ACOX3: variants seen among roughly 807,000 people sequenced by gnomAD.
The protein encoded by ACOX3 is acyl-CoA oxidase 3, pristanoyl.
Under a neutral mutation model 81.5 loss-of-function variants are expected in ACOX3, and 73 were observed. The ratio of observed to expected loss-of-function variants is 0.90; its 90% CI spans 0.74 to 1.09. ACOX3 has a LOEUF of 1.09. ACOX3 is among the 50% of genes least tolerant of loss of function. The probability of loss-of-function intolerance (pLI) is 0.00; values close to 1 mark genes in which losing one functional copy is unlikely to be tolerated. For synonymous variants in ACOX3, 387 were observed against 375.1 expected (o/e 1.03, Z -0.37); for missense variants, 947 against 928.0 (o/e 1.02, Z -0.27).
chr4:8,383,085 C>A (rs554040539), intron 13 of ACOX3, among the ~76,000 whole-genome samples: 2 of 152,204 alleles, frequency 1.3e-5, no homozygotes, highest in Non-Finnish European at 2.9e-5. Flanking sequence ...TTCACCCTCA[C>A]GGCATAACTG....
At chr4:8,372,021 A>T (rs1716279272) in intron 16 of ACOX3, among the ~76,000 whole-genome samples, 1 of 152,150 alleles carries the variant, frequency 6.6e-6, no homozygotes, top group Non-Finnish European at 1.5e-5. Flanking sequence ...TCCCCAAGAC[A>T]GTGGTATGGA....
chr4:8,394,749 C>T lies in ACOX3; in HGVS notation c.1057-7G>A, dbSNP rs1578912757. 1 of 1,612,196 alleles carries T rather than the reference C, an allele frequency of 6.2e-7. No homozygotes were observed. On this transcript the variant is annotated splice_region_variant and splice_polypyrimidine_tract_variant and intron_variant, in intron 9 of 17. Transcript: ENST00000356406. The surrounding 1 kb of genome is among the most constrained non-coding windows in gnomAD (Gnocchi z 5.9). ...ATGGAAGCAAGCGCCATTGCTAGAA[C>T]AGACAAGACACCTGCGTGAACACAT...
intron 14 of ACOX3, among the ~76,000 whole-genome samples, chr4:8,380,573 CTAGAGGAG>C (rs1242865674): frequency 6.6e-6 from 1 of 152,168 alleles, no homozygotes; most frequent in Non-Finnish European, 1.5e-5. Context: ...TAGCAGGTTC[CTAGAGGAG>C]CTGGCCTGAG....
chr4:8,399,551 T>A lies in ACOX3; in HGVS notation c.873+5A>T. ...CGGCACACGAACGGCCCCCCATGCC[T>A]GTACCTTAAAGGGGCTGACATAGGT... is the stretch of plus-strand genomic sequence containing the variant. On this transcript the variant is annotated splice_donor_5th_base_variant and intron_variant, in intron 8 of 17. Coordinates refer to ENST00000356406, the MANE Select transcript of ACOX3 (RefSeq NM_003501.3). This position sits in a 1 kb window ranked among gnomAD's most constrained non-coding sequence, Gnocchi z 4.9. 2 of 1,611,290 alleles carry A rather than the reference T, an allele frequency of 1.2e-6. No homozygotes were observed. Among genetic ancestry groups the A allele is most frequent in the East Asian group, 4.5e-5 (2 of 44,856 alleles).
rs1717830618 is a variant in ACOX3, at chr4:8,382,753, G to A, written c.1538-1146C>T. Among the ~76,000 whole-genome samples, 1 of 152,140 alleles carries A rather than the reference G, an allele frequency of 6.6e-6. No homozygotes were observed. The highest frequency in any genetic ancestry group is 2.4e-5 in the African/African-American group (1 of 41,440). ...CACACCTGTAATCCCAGCACTTTGG[G>A]AGGCAGAGGCGGGCGGATCACGAGG... is the stretch of plus-strand genomic sequence containing the variant. On this transcript the variant is annotated intron_variant, in intron 13 of 17. Transcript: ENST00000356406. The surrounding 1 kb of genome is among the most constrained non-coding windows in gnomAD (Gnocchi z 4.1).
intron 1 of ACOX3, among the ~76,000 whole-genome samples, chr4:8,418,574 A>G (rs1270586229): frequency 6.6e-6 from 1 of 152,224 alleles, no homozygotes; most frequent in Admixed American, 6.5e-5. Flanking sequence ...AAATGGCCAA[A>G]AAATACAGGA....
chr4:8,370,017 G>T lies in ACOX3; in HGVS notation c.1983+891C>A, dbSNP rs1715962171. On this transcript the variant is annotated intron_variant, in intron 17 of 17. Coordinates refer to ENST00000356406, the MANE Select transcript of ACOX3 (RefSeq NM_003501.3). The surrounding 1 kb of genome is among the most constrained non-coding windows in gnomAD (Gnocchi z 6.3). ...TCGCTCCTCGAGGGCATCATCAGGT[G>T]GGAGGGAGACACAAGGTCAGTGATG... 6.6e-6 allele frequency among the ~76,000 whole-genome samples: 1 copy of T among 152,238 alleles called. No homozygotes were observed. Among genetic ancestry groups the T allele is most frequent in the Admixed American group, 6.5e-5 (1 of 15,290 alleles).
rs944171713 is a variant in ACOX3 at position 8,416,662 on chromosome 4, A to G, written c.-14-127T>C. ...TAAACTTGAAATCCAAAAGGATGGC[A>G]AAAGAGAATCACTCTGTGAATGGCT... On this transcript the variant is annotated intron_variant, in intron 1 of 17. Transcript: ENST00000356406. The surrounding 1 kb of genome is among the most constrained non-coding windows in gnomAD (Gnocchi z 4.2). The G allele has an allele frequency of 7.4e-6, 8 of 1,078,032 alleles. No individual in the cohort carries two copies. The highest frequency in any genetic ancestry group is 4.8e-5 in the African/African-American group (3 of 62,190). 66.8% of individuals were successfully genotyped at this position (1,078,032 alleles called of 1,614,324 possible). A position where few individuals can be genotyped will look rare whatever the true frequency, so the allele number is the denominator to read the frequency against.
Position 8,414,331 on chromosome 4 carries a change from C to G in ACOX3, c.504G>C (p.Lys168Asn). The G allele has an allele frequency of 6.2e-7, 1 of 1,614,158 alleles. No homozygotes were observed. The highest frequency in any genetic ancestry group is 8.5e-7 in the Non-Finnish European group (1 of 1,180,042). ...CGTAGTGGGCAGTTGTGCGAATGGCCTTGGTATTACTGCCGTGGCTTAATT... is the reference window on the plus strand; with the variant it reads ...CGTAGTGGGCAGTTGTGCGAATGGCGTTGGTATTACTGCCGTGGCTTAATT... ...LTELSHGSNT[K>N]AIRTTAHYDP... Residue 168 changes from lysine (K) to asparagine (N), a missense_variant, in exon 5 of 18, where the codon AAG becomes AAC. Coordinates refer to ENST00000356406, the MANE Select transcript of ACOX3 (RefSeq NM_003501.3). This position sits in a 1 kb window ranked among gnomAD's most constrained non-coding sequence, Gnocchi z 6.1.
intron 5 of ACOX3, among the ~76,000 whole-genome samples, chr4:8,413,377 T>C (rs542633159): frequency 2.0e-5 from 2 of 101,236 alleles, no homozygotes; most frequent in South Asian, 7.8e-4. Flanking sequence ...CCTCCACCCC[T>C]GTGCCCCTCC....
At chr4:8,417,243 C>T (rs1273213377) in intron 1 of ACOX3, among the ~76,000 whole-genome samples, 4 of 152,354 alleles carry the variant, frequency 2.6e-5, no homozygotes, top group South Asian at 2.1e-4. Flanking sequence ...CTGTCTGAGT[C>T]CTGGGCGTGG....
At chr4:8,366,036 C>T (rs1355916924), downstream of ACOX3, among the ~76,000 whole-genome samples, 1 of 152,146 alleles carries the variant, frequency 6.6e-6, no homozygotes, top group Non-Finnish European at 1.5e-5. Flanking sequence ...GAAGGCCTTC[C>T]GTGCCCTGAG....
rs749468847 is a variant in ACOX3 at position 8,375,154 on chromosome 4, T to C, written c.1654-2A>G. ...CGCCAACGGACGGCCGTGGGACACC[T>C]GGAACACAGGACGGCACCGTGAGGA... On this transcript the variant is annotated splice_acceptor_variant, in intron 14 of 17. Coordinates refer to ENST00000356406, the MANE Select transcript of ACOX3 (RefSeq NM_003501.3). LOFTEE classifies it high-confidence loss of function. 6.5e-7 allele frequency: 1 copy of C among 1,539,648 alleles called. No individual in the cohort carries two copies. The highest frequency in any genetic ancestry group is 1.2e-5 in the South Asian group (1 of 83,620).
rs1722141019 is a variant in ACOX3 at position 8,414,793 on chromosome 4, A to C, written c.453+61T>G. ...CCTTCTACAATCTTCTCTTTTCACA[A>C]ATCTCTACAGAGATCAAGCAAGAGA... On this transcript the variant is annotated intron_variant, in intron 4 of 17. Coordinates refer to ENST00000356406, the MANE Select transcript of ACOX3 (RefSeq NM_003501.3). This position sits in a 1 kb window ranked among gnomAD's most constrained non-coding sequence, Gnocchi z 6.1. The C allele has an allele frequency of 1.3e-6, 2 of 1,536,268 alleles. No individual in the cohort carries two copies. The highest frequency in any genetic ancestry group is 2.7e-5 in the African/African-American group (2 of 73,122).
At position 8,416,468 on chromosome 4, in the gene ACOX3, C is replaced by T. The variant is rs1560200120; in HGVS notation, c.54G>A (p.Arg18=). ...GDTALLPEFP[R]GPLDAYRARA... Reference sequence around the variant, plus strand: ...TTGCTCGGTAGGCATCGAGGGGCCCCCTGGGGAATTCTGGGAGCAGAGCTG... The same window carrying T: ...TTGCTCGGTAGGCATCGAGGGGCCCTCTGGGGAATTCTGGGAGCAGAGCTG... Residue 18 remains arginine, a synonymous_variant, in exon 2 of 18, where the codon AGG becomes AGA. Transcript: ENST00000356406. The surrounding 1 kb of genome is among the most constrained non-coding windows in gnomAD (Gnocchi z 4.2). 1 of 1,614,078 alleles carries T rather than the reference C, an allele frequency of 6.2e-7. No individual in the cohort carries two copies. Among genetic ancestry groups the T allele is most frequent in the East Asian group, 2.2e-5 (1 of 44,880 alleles).
chr4:8,358,622 A>G, the ACOX3 span, among the ~76,000 whole-genome samples: 2 of 152,170 alleles, frequency 1.3e-5, no homozygotes, highest in East Asian at 3.9e-4. Context: ...TGCTGATAAA[A>G]CAGGCTGCAA....
intron 13 of ACOX3, among the ~76,000 whole-genome samples, chr4:8,388,032 C>T (rs372908282): frequency 9.2e-5 from 14 of 152,360 alleles, no homozygotes; most frequent in African/African-American, 3.1e-4. Context: ...AGGCCTCTTG[C>T]GCTCACCTCC....
Position 8,419,087 on chromosome 4 carries a change from GC to G in ACOX3, c.-14-2553del, listed in dbSNP as rs1659384911. Among the ~76,000 whole-genome samples, 1 of 151,898 alleles carries G rather than the reference GC, an allele frequency of 6.6e-6. No individual in the cohort carries two copies. The highest frequency in any genetic ancestry group is 1.5e-5 in the Non-Finnish European group (1 of 67,984). On this transcript the variant is annotated intron_variant, in intron 1 of 17. Coordinates refer to ENST00000356406, the MANE Select transcript of ACOX3 (RefSeq NM_003501.3). The surrounding 1 kb of genome is among the most constrained non-coding windows in gnomAD (Gnocchi z 4.2). ...AGGCTAAGGCAGGAGGACAGCTTGA[GC>G]CCAGGAGTTTGAGACCAGCCTGGGT...
rs1317860308 is a variant in ACOX3, at chr4:8,419,121, C to T, written c.-14-2586G>A. Among the ~76,000 whole-genome samples the T allele has an allele frequency of 6.6e-6, 1 of 151,994 alleles. No homozygotes were observed. Among genetic ancestry groups the T allele is most frequent in the Non-Finnish European group, 1.5e-5 (1 of 67,986 alleles). ...TTTGAGACCAGCCTGGGTGATACAG[C>T]AAGACCTTATCTCTTAAAGAACCAG... On this transcript the variant is annotated intron_variant, in intron 1 of 17. Coordinates refer to ENST00000356406, the MANE Select transcript of ACOX3 (RefSeq NM_003501.3). The surrounding 1 kb of genome is among the most constrained non-coding windows in gnomAD (Gnocchi z 4.2).
Sources: allele counts gnomAD v4.1 joint callset (sites outside exome capture counted in the v4.1 genomes callset), GRCh38; gene constraint gnomAD v4.1.1; non-coding constraint Gnocchi (gnomAD v3.1); transcripts MANE v1.5; gene names NCBI Gene and HGNC (gene_info 2026-07-23, HGNC 2026-07-21).